NRG3: variants seen among roughly 807,000 people sequenced by gnomAD.
The protein encoded by NRG3 is pro-neuregulin-3, membrane-bound isoform.
Under a neutral mutation model 66.9 loss-of-function variants are expected in NRG3, and 31 were observed. The observed-to-expected ratio is 0.46, with a 90% CI of 0.35 to 0.63. The LOEUF is 0.63. Among genes scored for constraint, NRG3 ranks in the 20% least tolerant of loss-of-function variants. NRG3 has a pLI of 0.00. For synonymous variants in NRG3, 393 were observed against 359.4 expected (o/e 1.09, Z -1.06); for missense variants, 910 against 878.9 (o/e 1.04, Z -0.45).
chr10:82,975,015 G>T, intron 7 of NRG3, among the ~76,000 whole-genome samples: 1 of 152,182 alleles, frequency 6.6e-6, no homozygotes, highest in African/African-American at 2.4e-5. Context: ...CCATTTAAAA[G>T]AATATGGTAT....
chr10:82,671,178 T>G (rs992490173), intron 2 of NRG3, among the ~76,000 whole-genome samples: 1 of 152,232 alleles, frequency 6.6e-6, no homozygotes, highest in Non-Finnish European at 1.5e-5. Context: ...TTCAGCGTAC[T>G]ATGGCCTTAA....
intron 1 of NRG3, among the ~76,000 whole-genome samples, chr10:82,317,829 C>T (rs1034782660): frequency 3.9e-5 from 6 of 152,042 alleles, no homozygotes; most frequent in Admixed American, 3.9e-4. Context: ...ATTTTGAGGG[C>T]TCCAAATTTA....
intron 1 of NRG3, among the ~76,000 whole-genome samples, chr10:81,909,117 C>A (rs1844871337): frequency 6.6e-6 from 1 of 152,204 alleles, no homozygotes; most frequent in African/African-American, 2.4e-5. Flanking sequence ...CTTTTAGATT[C>A]TAGTGGTTGC....
At chr10:82,844,437 A>G (rs948307700) in intron 3 of NRG3, among the ~76,000 whole-genome samples, 3 of 152,208 alleles carry the variant, frequency 2.0e-5, no homozygotes, top group Non-Finnish European at 4.4e-5. Context: ...ATGCAATTTA[A>G]AATCTCTGAT....
At chr10:82,801,640 G>T (rs1245889982) in intron 3 of NRG3, among the ~76,000 whole-genome samples, 1 of 152,166 alleles carries the variant, frequency 6.6e-6, no homozygotes, top group Non-Finnish European at 1.5e-5. Context: ...CAGAATGGCA[G>T]CAGAGTCCAA....
In NRG3 at chr10:82,128,089, G is replaced by T. The variant is rs190676511; in HGVS notation, c.824-230650G>T. Among the ~76,000 whole-genome samples the T allele has an allele frequency of 7.3e-3, 1,116 of 151,960 alleles. 14 individuals carry two copies. The highest frequency in any genetic ancestry group is 0.011 in the Non-Finnish European group (734 of 67,956). On this transcript the variant is annotated intron_variant, in intron 1 of 8. Coordinates refer to ENST00000372141, the MANE Select transcript of NRG3 (RefSeq NM_001010848.4). Reference sequence around the variant, plus strand: ...AATGACTGAGTTGGACTTGTGTTCAGGTCTGCTGTCTAGTCATTGGCCTTC... The same window carrying T: ...AATGACTGAGTTGGACTTGTGTTCATGTCTGCTGTCTAGTCATTGGCCTTC...
intron 1 of NRG3, among the ~76,000 whole-genome samples, chr10:81,930,325 C>T (rs1847218657): frequency 6.6e-6 from 1 of 152,088 alleles, no homozygotes; most frequent in African/African-American, 2.4e-5. Context: ...CATGACGTTC[C>T]TGAAGCTCAA....
At chr10:81,914,724 C>G (rs959724837) in intron 1 of NRG3, among the ~76,000 whole-genome samples, 11 of 142,438 alleles carry the variant, frequency 7.7e-5, no homozygotes, top group African/African-American at 2.1e-4. Context: ...TCACTGTACT[C>G]CAGTCTGGAC....
At chr10:82,223,104 CAG>C (rs1267094980) in intron 1 of NRG3, among the ~76,000 whole-genome samples, 1 of 152,110 alleles carries the variant, frequency 6.6e-6, no homozygotes, top group African/African-American at 2.4e-5. Context: ...CACTAGGAAA[CAG>C]AACCCGAAAC....
chr10:82,209,346 C>CTA (rs1491434446), intron 1 of NRG3, among the ~76,000 whole-genome samples: 1 of 14,546 alleles, frequency 6.9e-5, no homozygotes, highest in Non-Finnish European at 2.2e-4. Context: ...ACATATTACA[C>CTA]TCTCTCTCTC....
chr10:81,890,857 G>C (rs1302232009), intron 1 of NRG3, among the ~76,000 whole-genome samples: 2 of 152,304 alleles, frequency 1.3e-5, no homozygotes, highest in East Asian at 3.9e-4. Flanking sequence ...TTTGGCCAGT[G>C]ATACTTTTAA....
chr10:82,374,747 G>A (rs1328959980), intron 2 of NRG3, among the ~76,000 whole-genome samples: 2 of 152,072 alleles, frequency 1.3e-5, no homozygotes, highest in African/African-American at 4.8e-5. Flanking sequence ...GCTCACAATA[G>A]GACCCTTATT....
chr10:81,970,614 T>C (rs777427233), intron 1 of NRG3, among the ~76,000 whole-genome samples: 8 of 152,096 alleles, frequency 5.3e-5, no homozygotes, highest in Non-Finnish European at 8.8e-5. Context: ...TTGAATGATA[T>C]GTAGAACAGA....
intron 1 of NRG3, among the ~76,000 whole-genome samples, chr10:82,153,812 A>G (rs1258745315): frequency 6.6e-6 from 1 of 152,056 alleles, no homozygotes; most frequent in Admixed American, 6.6e-5. Flanking sequence ...CCTGACAATT[A>G]GAGATGGTGA....
At chr10:82,233,208 CA>C (rs751324070) in intron 1 of NRG3, among the ~76,000 whole-genome samples, 3 of 151,996 alleles carry the variant, frequency 2.0e-5, no homozygotes, top group Admixed American at 2.0e-4. Flanking sequence ...ACTAAAAATA[CA>C]AAAAAATTAG....
At chr10:82,256,014 C>G (rs938093793) in intron 1 of NRG3, among the ~76,000 whole-genome samples, 3 of 152,112 alleles carry the variant, frequency 2.0e-5, no homozygotes, top group Non-Finnish European at 4.4e-5. Context: ...ACCTCCATCT[C>G]CTGGGTTCAA....
chr10:82,267,221 T>C (rs1244651001), intron 1 of NRG3, among the ~76,000 whole-genome samples: 1 of 152,150 alleles, frequency 6.6e-6, no homozygotes, highest in Non-Finnish European at 1.5e-5. Flanking sequence ...TTTTCAATGA[T>C]TCATAGTCCT....
chr10:82,825,574 T>C (rs1323694264), intron 3 of NRG3, among the ~76,000 whole-genome samples: 1 of 152,240 alleles, frequency 6.6e-6, no homozygotes, highest in Non-Finnish European at 1.5e-5. Context: ...GGGCAGGCAG[T>C]CCTGTAGAAC....
chr10:82,558,286 A>G (rs1008522921), intron 2 of NRG3, among the ~76,000 whole-genome samples: 3 of 152,176 alleles, frequency 2.0e-5, no homozygotes, highest in African/African-American at 7.2e-5. Context: ...TCAAGTGCCT[A>G]TTGCCTGAAT....
Sources: gnomAD v4.1 joint callset for allele counts (sites outside exome capture counted in the v4.1 genomes callset) on GRCh38, gnomAD v4.1.1 for gene constraint, MANE v1.5 for transcripts, NCBI Gene and HGNC (gene_info 2026-07-23, HGNC 2026-07-21) for gene names.